Variants in SSBP2 observed in about 807,000 individuals in gnomAD.
The protein encoded by SSBP2 is single stranded DNA binding protein 2.
In SSBP2, 17 loss-of-function variants were observed where a neutral mutation model predicts 61.8. The ratio of observed to expected loss-of-function variants is 0.28; its 90% confidence interval spans 0.19 to 0.41. SSBP2 has a LOEUF of 0.41. Among genes scored for constraint, SSBP2 ranks in the 10% least tolerant of loss-of-function variants. The pLI, the probability that SSBP2 is intolerant of heterozygous loss-of-function variation, is 1.00. For synonymous variants in SSBP2, 139 were observed against 141.3 expected (o/e 0.98, Z 0.12); for missense variants, 310 against 458.7 (o/e 0.68, Z 2.96).
rs954285679 is a variant in SSBP2 at position 81,455,657 on chromosome 5, C to G, written c.687+5398G>C. Among the ~76,000 whole-genome samples, 16 of 122,566 alleles carry G rather than the reference C, an allele frequency of 1.3e-4. 5 individuals are homozygous for G. The highest frequency in any genetic ancestry group is 2.7e-4 in the Non-Finnish European group (14 of 52,274). The allele number at this position is 122,566 out of a possible 152,430, so 80.4% of individuals were successfully genotyped here. On this transcript the variant is annotated intron_variant, in intron 10 of 16. Transcript: ENST00000320672. ...AAAAAAAAAAAAAAAAAAAAAAAAT[C>G]CTCCTTCTAACCCTACCCTATACTT...
At chr5:81,672,963 A>T (rs920518942) in intron 1 of SSBP2, among the ~76,000 whole-genome samples, 2 of 151,140 alleles carry the variant, frequency 1.3e-5, no homozygotes, top group Admixed American at 1.3e-4. Context: ...CAGCCTCCTG[A>T]GTAGCTGGGA....
At chr5:81,535,520 A>G (rs899393072) in intron 4 of SSBP2, among the ~76,000 whole-genome samples, 5 of 152,130 alleles carry the variant, frequency 3.3e-5, no homozygotes, top group African/African-American at 1.2e-4. Flanking sequence ...ATAAGGCAAC[A>G]GTTATCAAGA....
chr5:81,477,296 A>G lies in SSBP2; in HGVS notation c.433-2734T>C, dbSNP rs571378567. Among the ~76,000 whole-genome samples, 14 of 152,296 alleles carry G rather than the reference A, an allele frequency of 9.2e-5. No homozygotes were observed. In the East Asian group the frequency reaches 1.9e-3, roughly 21 times the overall value. On this transcript the variant is annotated intron_variant, in intron 6 of 16. Transcript: ENST00000320672. ...TGTATATGTACATGCATATATGCAC[A>G]CGCATGGATCTGTGACTAATTCTAT...
intron 5 of SSBP2, 120 bp downstream of exon 5, chr5:81,513,508 T>A (rs1359523097): frequency 1.6e-6 from 1 of 616,324 alleles, no homozygotes; most frequent in Admixed American, 2.8e-5. Context: ...AATCAAGAGT[T>A]GGCTACACAT....
At chr5:81,443,556 C>A (rs530476207) in intron 12 of SSBP2, among the ~76,000 whole-genome samples, 1 of 152,002 alleles carries the variant, frequency 6.6e-6, no homozygotes, top group South Asian at 2.1e-4. Context: ...ATGTAGTAGG[C>A]CTCTTTTGTT....
At chr5:81,727,985 G>T (rs1208516922) in intron 1 of SSBP2, among the ~76,000 whole-genome samples, 1 of 152,178 alleles carries the variant, frequency 6.6e-6, no homozygotes, top group Non-Finnish European at 1.5e-5. Context: ...AAGGGCTGGG[G>T]AAAGGGAACA....
intron 4 of SSBP2, among the ~76,000 whole-genome samples, chr5:81,610,904 G>GA (rs1745375956): frequency 6.6e-6 from 1 of 152,204 alleles, no homozygotes; most frequent in African/African-American, 2.4e-5. Context: ...TAAGGCAGGA[G>GA]AATCGGTTGA....
At chr5:81,655,018 C>A (rs544576482) in intron 1 of SSBP2, among the ~76,000 whole-genome samples, 2 of 151,796 alleles carry the variant, frequency 1.3e-5, no homozygotes, top group African/African-American at 4.8e-5. Flanking sequence ...GCCTGTATGG[C>A]TCACACCTGC....
intron 4 of SSBP2, among the ~76,000 whole-genome samples, chr5:81,554,520 T>C (rs1772447930): frequency 6.6e-6 from 1 of 151,610 alleles, no homozygotes; most frequent in Non-Finnish European, 1.5e-5. Flanking sequence ...ACACTATGTA[T>C]ATCCACATAT....
intron 1 of SSBP2, among the ~76,000 whole-genome samples, chr5:81,658,022 C>T (rs1750372748): frequency 6.6e-6 from 1 of 152,016 alleles, no homozygotes; most frequent in Non-Finnish European, 1.5e-5. Context: ...TTAACATATC[C>T]ATTGCCTCAA....
intron 16 of SSBP2, among the ~76,000 whole-genome samples, chr5:81,425,070 A>T (rs979122517): frequency 3.3e-5 from 5 of 152,228 alleles, no homozygotes; most frequent in African/African-American, 9.6e-5. Flanking sequence ...TATTATTTTA[A>T]ATGTATACCA....
At chr5:81,531,452 T>TA (rs1363415102) in intron 4 of SSBP2, among the ~76,000 whole-genome samples, 2 of 152,024 alleles carry the variant, frequency 1.3e-5, no homozygotes, top group African/African-American at 4.8e-5. Flanking sequence ...GTGGGAACTG[T>TA]ATACAAACTA....
rs1389030666 is a variant in SSBP2 at position 81,414,460 on chromosome 5, G to GT, written c.*6043dup. On this transcript the variant is annotated 3_prime_UTR_variant, in exon 17 of 17. Coordinates refer to ENST00000320672, the MANE Select transcript of SSBP2 (RefSeq NM_012446.5). Reference sequence around the variant, plus strand: ...CTTCATAGTTTAAAAAAGTAAACAGGTCTCAGGTGTCTTTTTCATGGGTAG... The same window carrying GT: ...CTTCATAGTTTAAAAAAGTAAACAGGTTCTCAGGTGTCTTTTTCATGGGTAG... 6.6e-6 allele frequency: 1 copy of GT among 152,130 alleles called. No homozygotes were observed. Among genetic ancestry groups the GT allele is most frequent in the Non-Finnish European group, 1.5e-5 (1 of 68,006 alleles). The allele number at this position is 152,130 out of a possible 1,614,324, so 9.4% of individuals were successfully genotyped here. A position where few individuals can be genotyped will look rare whatever the true frequency, so the allele number is the denominator to read the frequency against.
At chr5:81,475,089 G>A (rs1163954201) in intron 6 of SSBP2, among the ~76,000 whole-genome samples, 1 of 152,080 alleles carries the variant, frequency 6.6e-6, no homozygotes, top group Admixed American at 6.6e-5. Context: ...TACGGAAAAG[G>A]GAAAGTAGAA....
intron 5 of SSBP2, among the ~76,000 whole-genome samples, chr5:81,511,913 G>T (rs746206922): frequency 6.6e-6 from 1 of 151,938 alleles, no homozygotes; most frequent in African/African-American, 2.4e-5. Flanking sequence ...TACTCTTACC[G>T]AGACTTTGAG....
rs1054963683 is a variant in SSBP2 at position 81,618,058 on chromosome 5, C to A, written c.198-2501G>T. On this transcript the variant is annotated intron_variant, in intron 3 of 16. Transcript: ENST00000320672. ...AACCGCATCAACCAATGAGCAAAATCACCAGCTAACATCATAATGACAGGA... is the reference window on the plus strand; with the variant it reads ...AACCGCATCAACCAATGAGCAAAATAACCAGCTAACATCATAATGACAGGA... 5.9e-4 allele frequency among the ~76,000 whole-genome samples: 68 copies of A among 114,554 alleles called. 6 individuals carry two copies. The highest frequency in any genetic ancestry group is 2.0e-3 in the African/African-American group (65 of 33,138). 75.2% of individuals were successfully genotyped at this position (114,554 alleles called of 152,430 possible).
At chr5:81,672,573 CTTTT>C (rs765466355) in intron 1 of SSBP2, among the ~76,000 whole-genome samples, 2 of 138,676 alleles carry the variant, frequency 1.4e-5, no homozygotes. Context: ...GATACTTTTT[CTTTT>C]TTTTTTTTTT....
At chr5:81,682,018 C>G (rs1033675159) in intron 1 of SSBP2, among the ~76,000 whole-genome samples, 6 of 152,154 alleles carry the variant, frequency 3.9e-5, no homozygotes, top group African/African-American at 1.4e-4. Context: ...CAGGAAGAAA[C>G]AGACCACCTG....
chr5:81,590,241 G>C (rs1483643266), intron 4 of SSBP2, among the ~76,000 whole-genome samples: 1 of 152,050 alleles, frequency 6.6e-6, no homozygotes, highest in Non-Finnish European at 1.5e-5. Context: ...GGGAATTGTG[G>C]ACCTTTCAAA....
Sources: allele counts gnomAD v4.1 joint callset (sites outside exome capture counted in the v4.1 genomes callset), GRCh38; gene constraint gnomAD v4.1.1; transcripts MANE v1.5; gene names NCBI Gene and HGNC (gene_info 2026-07-23, HGNC 2026-07-21).